ABAT: variants seen among roughly 807,000 people sequenced by gnomAD.
The protein encoded by ABAT is 4-aminobutyrate aminotransferase, mitochondrial.
In ABAT, 45 loss-of-function variants were observed where a neutral mutation model predicts 64.6. The ratio of observed to expected loss-of-function variants is 0.70; its 90% CI spans 0.55 to 0.89. The LOEUF (loss-of-function observed/expected upper bound fraction) is 0.89. Among genes scored for constraint, ABAT ranks in the 40% least tolerant of loss-of-function variants. The pLI, the probability that ABAT is intolerant of heterozygous loss-of-function variation, is 0.00. For missense variants in ABAT, 633 were observed against 658.4 expected (o/e 0.96, Z 0.42); for synonymous variants, 297 against 250.5 (o/e 1.19, Z -1.75).
chr16:8,773,552 C>T (rs947158676), intron 12 of ABAT, among the ~76,000 whole-genome samples: 2 of 152,210 alleles, frequency 1.3e-5, no homozygotes, highest in Non-Finnish European at 2.9e-5. Context: ...TATTTATCAT[C>T]TCTTTGTATT....
chr16:8,772,988 A>C (rs1012214621), intron 12 of ABAT, 71 bp downstream of exon 12: 1 of 1,599,862 alleles, frequency 6.3e-7, no homozygotes, highest in Non-Finnish European at 8.5e-7. Context: ...GTAACGGGCC[A>C]GCAGCACCTC....
At position 8,782,837 on chromosome 16, in the gene ABAT, G is replaced by A. The variant is rs978559653; in HGVS notation, c.*1407G>A. The A allele has an allele frequency of 3.3e-5, 5 of 152,138 alleles. No homozygotes were observed. The highest frequency in any genetic ancestry group is 1.2e-4 in the African/African-American group (5 of 41,428). 9.4% of individuals were successfully genotyped at this position (152,138 alleles called of 1,614,324 possible). ...CAAAAGGAAGCCTCTTCATCTCCCG[G>A]TGCCTTGGTTGACTATTTTGGAAAT... On this transcript the variant is annotated 3_prime_UTR_variant, in exon 16 of 16. Transcript: ENST00000268251.
intron 2 of ABAT, among the ~76,000 whole-genome samples, chr16:8,744,745 G>A (rs932388124): frequency 1.3e-5 from 2 of 151,082 alleles, no homozygotes; most frequent in African/African-American, 4.9e-5. Context: ...GTAGGCACCT[G>A]TAATCCCAGC....
intron 2 of ABAT, among the ~76,000 whole-genome samples, chr16:8,745,738 AGC>A (rs2059309575): frequency 6.6e-6 from 1 of 152,182 alleles, no homozygotes; most frequent in Admixed American, 6.5e-5. Context: ...AGCTGGCATC[AGC>A]TTGTACTCAT....
At chr16:8,713,490 G>T in intron 1 of ABAT, 3 of 202,070 alleles carry the variant, frequency 1.5e-5, no homozygotes, top group South Asian at 8.0e-5. Flanking sequence ...TTTCTGTGTA[G>T]TTGCATCCTG....
intron 9 of ABAT, 102 bp downstream of exon 9, chr16:8,766,372 A>G: frequency 8.4e-7 from 1 of 1,186,940 alleles, no homozygotes; most frequent in Admixed American, 1.9e-5. Context: ...AGGAAGGGCC[A>G]GGCCAGGCGC....
At chr16:8,738,622 G>GTTTTTTTTTT (rs1204824310) in intron 2 of ABAT, among the ~76,000 whole-genome samples, 3 of 111,374 alleles carry the variant, frequency 2.7e-5, no homozygotes, top group Admixed American at 8.6e-5. Context: ...TTTTGTTTTT[G>GTTTTTTTTTT]TTTTTGTTTT....
At chr16:8,768,141 A>G in intron 9 of ABAT, 52 bp from the exon 10 acceptor site, 1 of 1,542,436 alleles carries the variant, frequency 6.5e-7, no homozygotes, top group Admixed American at 1.7e-5. Flanking sequence ...GCAACAATAC[A>G]GTTCCCCCAT....
At chr16:8,743,544 A>T (rs1596448748) in intron 2 of ABAT, among the ~76,000 whole-genome samples, 1 of 132,740 alleles carries the variant, frequency 7.5e-6, no homozygotes, top group African/African-American at 3.3e-5. Flanking sequence ...TTTAGTTATA[A>T]TATATTATGT....
intron 5 of ABAT, among the ~76,000 whole-genome samples, chr16:8,752,485 A>G (rs2059517900): frequency 6.6e-6 from 1 of 152,206 alleles, no homozygotes; most frequent in Admixed American, 6.5e-5. Flanking sequence ...TTGGTCGGGC[A>G]CGGTGGAGCA....
chr16:8,744,824 T>G (rs185331825), intron 2 of ABAT, among the ~76,000 whole-genome samples: 119 of 152,090 alleles, frequency 7.8e-4, no homozygotes, highest in Admixed American at 7.7e-3. Flanking sequence ...GCCCAGATCG[T>G]GTCTCTGCAT....
At position 8,764,149 on chromosome 16, in the gene ABAT, G is replaced by T. The variant is rs376531387; in HGVS notation, c.447G>T (p.Ser149=). The T allele has an allele frequency of 2.9e-5, 47 of 1,612,756 alleles. No homozygotes were observed. Among genetic ancestry groups the T allele is most frequent in the Middle Eastern group, 1.6e-4 (1 of 6,084 alleles). Residue 149 remains serine (S), a splice_region_variant and synonymous_variant, in exon 7 of 16, where the codon TCG becomes TCT. Transcript: ENST00000268251. The surrounding 1 kb of genome is among the most constrained non-coding windows in gnomAD (Gnocchi z 4.2). The part of the protein sequence containing the change: ...FVEKLRQSLL[S]VAPKGMSQLI... ...AGAAGCTCCGGCAGTCCTTGCTCTC[G>T]GTGAGTTCTGGAGAAGCAATCCCAT...
intron 11 of ABAT, among the ~76,000 whole-genome samples, chr16:8,771,464 C>T (rs1272554440): frequency 1.7e-4 from 18 of 108,494 alleles, no homozygotes; most frequent in African/African-American, 3.5e-4. Flanking sequence ...TAGGGTTTTT[C>T]TTTCTTTTTT....
intron 1 of ABAT, among the ~76,000 whole-genome samples, chr16:8,726,320 G>A (rs1451348576): frequency 6.9e-6 from 1 of 145,866 alleles, no homozygotes; most frequent in African/African-American, 2.5e-5. Context: ...GAGTGCAGTG[G>A]CGCCATCTCG....
At chr16:8,732,173 G>A (rs192593538) in intron 1 of ABAT, among the ~76,000 whole-genome samples, 117 of 148,006 alleles carry the variant, frequency 7.9e-4, no homozygotes, top group Non-Finnish European at 1.5e-3. Flanking sequence ...TTTCTAGGAG[G>A]TTGACTACTT....
chr16:8,735,764 C>G lies in ABAT; in HGVS notation c.25C>G (p.Arg9Gly), dbSNP rs201701679. 1 of 1,607,370 alleles carries G rather than the reference C, an allele frequency of 6.2e-7. No homozygotes were observed. The highest frequency in any genetic ancestry group is 8.5e-7 in the Non-Finnish European group (1 of 1,177,198). Residue 9 changes from arginine (R) to glycine (G), a missense_variant, in exon 2 of 16, where the codon CGC becomes GGC. Transcript: ENST00000268251. Reference sequence around the variant, plus strand: ...CATGGCCTCCATGTTGCTCGCCCAGCGCCTGGCCTGCAGCTTCCAGCACAG... The same window carrying G: ...CATGGCCTCCATGTTGCTCGCCCAGGGCCTGGCCTGCAGCTTCCAGCACAG... Reference protein sequence around the residue: MASMLLAQRLACSFQHSYR... With the variant: MASMLLAQGLACSFQHSYR...
rs184498274 is a variant in ABAT, at chr16:8,733,579, C to T, written c.-41-2120C>T. On this transcript the variant is annotated intron_variant, in intron 1 of 15. Transcript: ENST00000268251. ...GTGAACGAGACTCCGTCTGTAATCC[C>T]GGCACCTCGGGAGGCCGAGGCTGGC... is the stretch of plus-strand genomic sequence containing the variant. Among the ~76,000 whole-genome samples the T allele has an allele frequency of 3.9e-4, 60 of 152,088 alleles. 2 individuals carry two copies. Among genetic ancestry groups the T allele is most frequent in the Admixed American group, 2.6e-3 (40 of 15,296 alleles).
At chr16:8,704,488 A>T (rs908509809) in intron 1 of ABAT, among the ~76,000 whole-genome samples, 2 of 152,246 alleles carry the variant, frequency 1.3e-5, no homozygotes, top group African/African-American at 4.8e-5. Flanking sequence ...AATACAGGTT[A>T]TTAATGAAGA....
chr16:8,736,128 C>T (rs551865162), intron 2 of ABAT: 10 of 368,510 alleles, frequency 2.7e-5, no homozygotes, highest in East Asian at 2.4e-4. Context: ...GGGGAACTCC[C>T]GTTTGTAAAA....
Sources: allele counts gnomAD v4.1 joint callset (sites outside exome capture counted in the v4.1 genomes callset), GRCh38; gene constraint gnomAD v4.1.1; non-coding constraint Gnocchi (gnomAD v3.1); transcripts MANE v1.5; gene names NCBI Gene and HGNC (gene_info 2026-07-23, HGNC 2026-07-21).